KIAA0408: variants seen among roughly 807,000 people sequenced by gnomAD.
KIAA0408 encodes the protein uncharacterized protein KIAA0408.
Under a neutral mutation model 60.9 loss-of-function variants are expected in KIAA0408, and 51 were observed. The observed-to-expected ratio is 0.84, with a 90% CI of 0.67 to 1.06. The LOEUF (loss-of-function observed/expected upper bound fraction) is 1.06. Ranked by LOEUF, KIAA0408 falls within the 50% of genes least tolerant of loss-of-function variation. The pLI, the probability that KIAA0408 is intolerant of heterozygous loss-of-function variation, is 0.00. For synonymous variants in KIAA0408, 304 were observed against 282.4 expected, an observed-to-expected ratio of 1.08 and a Z score of -0.77; for missense variants, 787 against 833.9, an observed-to-expected ratio of 0.94 and a Z score of 0.69.
At position 127,453,983 on chromosome 6, in the gene KIAA0408, G is replaced by A; in HGVS notation, c.-2C>T. The A allele has an allele frequency of 6.2e-7, 1 of 1,611,226 alleles. No individual in the cohort carries two copies. Among genetic ancestry groups the A allele is most frequent in the Non-Finnish European group, 8.5e-7 (1 of 1,178,344 alleles). ...CTCCCACTGCTTATGTAGGTCCATG[G>A]CAACAGTGTAAGTGTCAGCAAAGAA... On this transcript the variant is annotated 5_prime_UTR_variant, in exon 2 of 6. Coordinates refer to ENST00000483725, the MANE Select transcript of KIAA0408 (RefSeq NM_014702.5).
At chr6:127,444,550 G>C (rs542069610) in intron 5 of KIAA0408, among the ~76,000 whole-genome samples, 1 of 152,082 alleles carries the variant, frequency 6.6e-6, no homozygotes, top group South Asian at 2.1e-4. Flanking sequence ...TAGAACTAAT[G>C]ATGAGCTCAG....
intron 4 of KIAA0408, 36 bp from the exon 5 acceptor site, chr6:127,447,776 C>G: frequency 6.8e-7 from 1 of 1,470,816 alleles, no homozygotes; most frequent in Non-Finnish European, 9.0e-7. Flanking sequence ...TTGGTTATAA[C>G]TTTATTTAGA....
Position 127,444,247 on chromosome 6 carries a change from T to C in KIAA0408, c.1947A>G (p.Gly649=). 1 of 1,606,864 alleles carries C rather than the reference T, an allele frequency of 6.2e-7. No individual in the cohort carries two copies. The change falls in exon 6 of 6, where the codon GGA becomes GGG. Residue 649 remains glycine (G), a synonymous_variant. Coordinates refer to ENST00000483725, the MANE Select transcript of KIAA0408 (RefSeq NM_014702.5). Reference sequence around the variant, plus strand: ...TTGCTGGTCTAGCAGGTCGGGAAAATCCTTTTCCATGTGAGGCGTTCACTG... The same window carrying C: ...TTGCTGGTCTAGCAGGTCGGGAAAACCCTTTTCCATGTGAGGCGTTCACTG... ...SMSVNASHGK[G]FSRPARPANR...
chr6:127,453,120 A>T lies in KIAA0408; in HGVS notation c.135+727T>A, dbSNP rs555038912. 2.0e-5 allele frequency among the ~76,000 whole-genome samples: 3 copies of T among 152,260 alleles called. No individual in the cohort carries two copies. The East Asian group carries it at 5.8e-4, about 29-fold the overall frequency. ...ATAAAACCATATAAAGTCAATACTA[A>T]GGATGTTACCAAAAGAAAGCAAGAT... On this transcript the variant is annotated intron_variant, in intron 2 of 5. Coordinates refer to ENST00000483725, the MANE Select transcript of KIAA0408 (RefSeq NM_014702.5).
chr6:127,454,518 T>C (rs1773357006), intron 1 of KIAA0408, among the ~76,000 whole-genome samples: 1 of 152,162 alleles, frequency 6.6e-6, no homozygotes, highest in Admixed American at 6.6e-5. Flanking sequence ...TATATTCTTA[T>C]GACTTAAATT....
Position 127,447,041 on chromosome 6 carries a change from A to G in KIAA0408, c.1278T>C (p.Ser426=), listed in dbSNP as rs373351607. ...TCCTTGTAGTCCTTTCAAAGCCACA[A>G]CTGAAATTTCTAAGTGGGCTACTGC... ...AESSSPLRNF[S]CGFERTTRNE... is the part of the protein sequence containing the mutation. The change falls in exon 5 of 6, where the codon AGT becomes AGC. Residue 426 remains serine, a synonymous_variant. Coordinates refer to ENST00000483725, the MANE Select transcript of KIAA0408 (RefSeq NM_014702.5). 53 of 1,613,368 alleles carry G rather than the reference A, an allele frequency of 3.3e-5. No homozygotes were observed. In the Middle Eastern group the frequency reaches 5.0e-4, roughly 15 times the overall value.
At chr6:127,458,584 G>T (rs1179284016) in intron 1 of KIAA0408, among the ~76,000 whole-genome samples, 2 of 152,144 alleles carry the variant, frequency 1.3e-5, no homozygotes, top group Non-Finnish European at 2.9e-5. Flanking sequence ...GTAAACAAAT[G>T]TCTAAAACTA....
rs116205657 is a variant in KIAA0408, at chr6:127,449,110, A to T, written c.578+712T>A. 6.4e-3 allele frequency among the ~76,000 whole-genome samples: 973 copies of T among 152,330 alleles called. 10 individuals are homozygous for T. Among genetic ancestry groups the T allele is most frequent in the African/African-American group, 0.022 (905 of 41,568 alleles). ...TTAAATATTTTAGTAGAACATGATT[A>T]TATAAGCAAAACGCCACACTGTTAA... On this transcript the variant is annotated intron_variant, in intron 4 of 5. Coordinates refer to ENST00000483725, the MANE Select transcript of KIAA0408 (RefSeq NM_014702.5).
Position 127,441,516 on chromosome 6 carries a change from A to G in KIAA0408, c.*2593T>C, listed in dbSNP as rs1773107739. 6.6e-6 allele frequency: 1 copy of G among 152,464 alleles called. No homozygotes were observed. Among genetic ancestry groups the G allele is most frequent in the African/African-American group, 2.4e-5 (1 of 41,424 alleles). The allele number at this position is 152,464 out of a possible 1,614,324, so 9.4% of individuals were successfully genotyped here. On this transcript the variant is annotated 3_prime_UTR_variant, in exon 6 of 6. Transcript: ENST00000483725. ...ATCAGTAATCCTCTGCTGAACTAAAATAATATTTTTGCTCCAAAAGTCTGC... is the reference window on the plus strand; with the variant it reads ...ATCAGTAATCCTCTGCTGAACTAAAGTAATATTTTTGCTCCAAAAGTCTGC...
At chr6:127,457,578 CAGCATTGCATAATCCCTTT>C (rs1477007829) in intron 1 of KIAA0408, among the ~76,000 whole-genome samples, 1 of 152,212 alleles carries the variant, frequency 6.6e-6, no homozygotes, top group Non-Finnish European at 1.5e-5. Flanking sequence ...AACTCTAAAC[CAGCATTGCATAATCCCTTT>C]TAACTTACTT....
intron 2 of KIAA0408, 40 bp from the exon 3 acceptor site, chr6:127,450,392 C>T: frequency 6.5e-7 from 1 of 1,531,520 alleles, no homozygotes; most frequent in Non-Finnish European, 8.7e-7. Flanking sequence ...TTCTTTTCCC[C>T]TAATTCACTT....
At chr6:127,450,399 A>T (rs1278206422) in intron 2 of KIAA0408, 47 bp from the exon 3 acceptor site, 4 of 1,521,122 alleles carry the variant, frequency 2.6e-6, no homozygotes, top group Non-Finnish European at 3.5e-6. Flanking sequence ...CCCCTAATTC[A>T]CTTTGCTAAT....
intron 1 of KIAA0408, 44 bp downstream of exon 1, chr6:127,459,131 C>CA (rs1351409411): frequency 6.6e-6 from 1 of 152,204 alleles, no homozygotes; most frequent in Admixed American, 6.5e-5. Context: ...TGTATCCTGC[C>CA]ATAATTAGTC....
intron 5 of KIAA0408, among the ~76,000 whole-genome samples, chr6:127,445,386 A>G (rs1478263115): frequency 6.6e-6 from 1 of 152,204 alleles, no homozygotes; most frequent in Non-Finnish European, 1.5e-5. Flanking sequence ...GATGGGCTCA[A>G]TTAAAAAGCA....
In KIAA0408 at chr6:127,447,130, G is replaced by A. The variant is rs1773213448; in HGVS notation, c.1189C>T (p.His397Tyr). 2 of 1,613,988 alleles carry A rather than the reference G, an allele frequency of 1.2e-6. No individual in the cohort carries two copies. Among genetic ancestry groups the A allele is most frequent in the African/African-American group, 2.7e-5 (2 of 75,040 alleles). The change falls in exon 5 of 6, where the codon CAC becomes TAC. Residue 397 changes from histidine (H) to tyrosine (Y), a missense_variant. His to Tyr is a moderately conservative substitution (Grantham distance 83). Around this residue, in one of 3 missense-constraint regions of KIAA0408, gnomAD observed 640 missense variants for 681.3 expected, o/e 0.94. Coordinates refer to ENST00000483725, the MANE Select transcript of KIAA0408 (RefSeq NM_014702.5). ...NPKYEMVIPDHPAKSHPDLHV... is the reference protein window; with the variant it reads ...NPKYEMVIPDYPAKSHPDLHV... ...AGATCAGGATGAGATTTAGCAGGGT[G>A]ATCTGGGATCACCATTTCATATTTT...
chr6:127,456,479 A>G (rs1773394875), intron 1 of KIAA0408, among the ~76,000 whole-genome samples: 1 of 152,122 alleles, frequency 6.6e-6, no homozygotes, highest in African/African-American at 2.4e-5. Context: ...ATCTAAACCC[A>G]GGTAACAGTC....
Position 127,444,034 on chromosome 6 carries a change from C to A in KIAA0408, c.*75G>T. 7.1e-7 allele frequency: 1 copy of A among 1,403,736 alleles called. No individual in the cohort carries two copies. The highest frequency in any genetic ancestry group is 1.4e-5 in the African/African-American group (1 of 70,086). The allele number at this position is 1,403,736 out of a possible 1,614,324, so 87.0% of individuals were successfully genotyped here. On this transcript the variant is annotated 3_prime_UTR_variant, in exon 6 of 6. Coordinates refer to ENST00000483725, the MANE Select transcript of KIAA0408 (RefSeq NM_014702.5). ...TGCTTGTCGGAAGAGAACAGGTCCG[C>A]CTGTAAACACTCAGAATGCTCTGTT...
In KIAA0408 at chr6:127,446,975, A is replaced by C. The variant is rs759748148; in HGVS notation, c.1344T>G (p.Thr448=). The C allele has an allele frequency of 6.2e-7, 1 of 1,614,028 alleles. No homozygotes were observed. The highest frequency in any genetic ancestry group is 1.1e-5 in the South Asian group (1 of 91,070). ...LAAKTDEFNR[T]VFRTDRNCQA... ...GACAATTTCTATCTGTTCTAAATAC[A>C]GTTCTGTTAAATTCATCAGTCTTTG... Residue 448 remains threonine (T), a synonymous_variant, in exon 5 of 6, where the codon ACT becomes ACG. Coordinates refer to ENST00000483725, the MANE Select transcript of KIAA0408 (RefSeq NM_014702.5).
intron 4 of KIAA0408, among the ~76,000 whole-genome samples, chr6:127,449,388 G>A (rs1444416652): frequency 1.3e-5 from 2 of 152,156 alleles, no homozygotes; most frequent in Non-Finnish European, 2.9e-5. Context: ...GGTGGCTCAC[G>A]CCTGTAATCC....
Sources: allele counts gnomAD v4.1 joint callset (sites outside exome capture counted in the v4.1 genomes callset), GRCh38; gene constraint gnomAD v4.1.1; regional missense constraint gnomAD v4.1.1; transcripts MANE v1.5; gene names NCBI Gene and HGNC (gene_info 2026-07-23, HGNC 2026-07-21).